Variants in NLGN1 observed in about 807,000 individuals in gnomAD.
NLGN1 encodes neuroligin-1.
A neutral mutation model predicts 65.5 loss-of-function variants in NLGN1; 12 were observed. That is an observed-to-expected ratio of 0.18 (90% CI 0.12 to 0.30). The LOEUF (loss-of-function observed/expected upper bound fraction) is 0.30, where lower values mean the gene tolerates loss of function less well. Ranked by LOEUF, NLGN1 falls within the 10% of genes least tolerant of loss-of-function variation. The pLI, the probability that NLGN1 is intolerant of heterozygous loss-of-function variation, is 1.00. For synonymous variants in NLGN1, 350 were observed against 359.5 expected, an observed-to-expected ratio of 0.97 and a Z score of 0.30; for missense variants, 750 against 1,007.1, an observed-to-expected ratio of 0.74 and a Z score of 3.46.
chr3:173,846,590 T>C (rs558960151), intron 4 of NLGN1, among the ~76,000 whole-genome samples: 79 of 152,342 alleles, frequency 5.2e-4, no homozygotes, highest in Admixed American at 9.8e-4. Flanking sequence ...GATTTCATGA[T>C]GTGCCATCTG....
At chr3:173,681,341 G>A (rs889209336) in intron 3 of NLGN1, among the ~76,000 whole-genome samples, 4 of 152,202 alleles carry the variant, frequency 2.6e-5, no homozygotes, top group African/African-American at 7.2e-5. Context: ...ATAATTGACT[G>A]TTAGCTGTTC....
intron 4 of NLGN1, among the ~76,000 whole-genome samples, chr3:173,978,497 A>G (rs1209649176): frequency 1.3e-5 from 2 of 152,052 alleles, no homozygotes; most frequent in Non-Finnish European, 2.9e-5. Context: ...ACCTATGAAA[A>G]CAAAGAAGGA....
intron 4 of NLGN1, among the ~76,000 whole-genome samples, chr3:174,265,389 G>A (rs1251479957): frequency 4.6e-5 from 7 of 152,132 alleles, no homozygotes; most frequent in South Asian, 2.1e-4. Flanking sequence ...GTGGTGCGCC[G>A]TTTTTTAAGC....
intron 3 of NLGN1, among the ~76,000 whole-genome samples, chr3:173,753,969 T>TATAATATAATATAATA (rs1553836569): frequency 2.2e-3 from 323 of 144,708 alleles, no homozygotes; most frequent in Admixed American, 5.7e-3. Flanking sequence ...TATAATATAA[T>TATAATATAATATAATA]ATAATATCTA....
At chr3:173,463,967 A>G (rs919709105) in intron 2 of NLGN1, among the ~76,000 whole-genome samples, 1 of 152,002 alleles carries the variant, frequency 6.6e-6, no homozygotes, top group Non-Finnish European at 1.5e-5. Context: ...CAAGCATATT[A>G]TGGTAAATAT....
chr3:174,170,552 A>G (rs532361310), intron 4 of NLGN1, among the ~76,000 whole-genome samples: 10 of 152,322 alleles, frequency 6.6e-5, no homozygotes, highest in Admixed American at 3.9e-4. Flanking sequence ...AAGAAAAGAT[A>G]TGGTTTTGAA....
chr3:173,424,902 C>T (rs1214240492), intron 1 of NLGN1, among the ~76,000 whole-genome samples: 2 of 152,190 alleles, frequency 1.3e-5, no homozygotes, highest in Non-Finnish European at 2.9e-5. Context: ...TGTGGCAGTA[C>T]TCCACTTTGC....
intron 2 of NLGN1, among the ~76,000 whole-genome samples, chr3:173,502,014 T>C (rs1291731458): frequency 6.6e-6 from 1 of 152,132 alleles, no homozygotes; most frequent in East Asian, 1.9e-4. Flanking sequence ...TGCTCACTCA[T>C]GCTTGATTTA....
intron 4 of NLGN1, among the ~76,000 whole-genome samples, chr3:173,963,491 G>A (rs1560734021): frequency 6.6e-6 from 1 of 152,130 alleles, no homozygotes; most frequent in Non-Finnish European, 1.5e-5. Flanking sequence ...AATTCAGGAG[G>A]GAGGTCTGAC....
chr3:173,915,781 C>T (rs12492705), intron 4 of NLGN1, among the ~76,000 whole-genome samples: 44,894 of 151,982 alleles, frequency 0.3, 7,420 homozygotes, highest in African/African-American at 0.44. Context: ...TAGCCTTTTT[C>T]TTTCCAGAAA....
chr3:173,600,159 A>T (rs1051177075), intron 2 of NLGN1, among the ~76,000 whole-genome samples: 1 of 149,786 alleles, frequency 6.7e-6, no homozygotes, highest in Non-Finnish European at 1.5e-5. Context: ...TTGTATATCT[A>T]TGTATGTGGG....
chr3:173,404,642 A>G (rs957176831), intron 1 of NLGN1, among the ~76,000 whole-genome samples: 7 of 152,144 alleles, frequency 4.6e-5, no homozygotes, highest in Non-Finnish European at 1.0e-4. Context: ...GTGTCAGGTG[A>G]TGACCATCAT....
chr3:173,938,744 C>T (rs1379816755), intron 4 of NLGN1, among the ~76,000 whole-genome samples: 1 of 152,112 alleles, frequency 6.6e-6, no homozygotes, highest in Admixed American at 6.6e-5. Flanking sequence ...CTTAGCCCCC[C>T]TCTTTTCTAC....
chr3:174,107,017 C>CACACACAGAGAGAGAGAG (rs773314392), intron 4 of NLGN1, among the ~76,000 whole-genome samples: 1 of 97,642 alleles, frequency 1.0e-5, no homozygotes, highest in African/African-American at 4.2e-5. Context: ...CACACACACA[C>CACACACAGAGAGAGAGAG]AGAGAGAGAG....
chr3:174,135,524 A>G (rs1443025329), intron 4 of NLGN1, among the ~76,000 whole-genome samples: 1 of 152,168 alleles, frequency 6.6e-6, no homozygotes, highest in Non-Finnish European at 1.5e-5. Flanking sequence ...TGAAATAACA[A>G]GCTTTTTTAT....
intron 2 of NLGN1, among the ~76,000 whole-genome samples, chr3:173,562,410 A>T (rs1412735849): frequency 6.6e-6 from 1 of 152,086 alleles, no homozygotes; most frequent in Non-Finnish European, 1.5e-5. Flanking sequence ...CTATTAAAAT[A>T]TAAAAAATTG....
chr3:174,011,155 A>C (rs1316908686), intron 4 of NLGN1, among the ~76,000 whole-genome samples: 1 of 152,218 alleles, frequency 6.6e-6, no homozygotes, highest in Non-Finnish European at 1.5e-5. Context: ...TACTTTTATT[A>C]ACTCTGTGGT....
intron 4 of NLGN1, among the ~76,000 whole-genome samples, chr3:174,113,800 T>C (rs1245606283): frequency 6.6e-6 from 1 of 152,160 alleles, no homozygotes; most frequent in Non-Finnish European, 1.5e-5. Context: ...ATATTTTGAT[T>C]AGTTCCTTGT....
intron 3 of NLGN1, among the ~76,000 whole-genome samples, chr3:173,771,583 G>A (rs1398445921): frequency 3.0e-5 from 1 of 33,656 alleles, no homozygotes; most frequent in Non-Finnish European, 9.4e-5. Context: ...ATTGTATGAG[G>A]TTTGTATGTT....
Sources: allele counts gnomAD v4.1 joint callset (sites outside exome capture counted in the v4.1 genomes callset), GRCh38; gene constraint gnomAD v4.1.1; transcripts MANE v1.5; gene names NCBI Gene and HGNC (gene_info 2026-07-23, HGNC 2026-07-21).